OSBPL1A: variants seen among roughly 807,000 people sequenced by gnomAD.
The protein encoded by OSBPL1A is oxysterol binding protein like 1A.
In OSBPL1A, 80 loss-of-function variants were observed where a neutral mutation model predicts 137.1. The observed-to-expected ratio is 0.58, with a 90% CI of 0.49 to 0.70. The LOEUF (loss-of-function observed/expected upper bound fraction) is 0.70, where lower values mean the gene tolerates loss of function less well. Among genes scored for constraint, OSBPL1A ranks in the 30% least tolerant of loss-of-function variants. The pLI is 0.00. For missense variants in OSBPL1A, 970 were observed against 1,129.4 expected, an observed-to-expected ratio of 0.86 and a Z score of 2.02; for synonymous variants, 365 against 389.7, an observed-to-expected ratio of 0.94 and a Z score of 0.75.
At chr18:24,293,037 G>A (rs1382402670) in intron 14 of OSBPL1A, among the ~76,000 whole-genome samples, 2 of 148,090 alleles carry the variant, frequency 1.4e-5, no homozygotes, top group African/African-American at 2.5e-5. Context: ...ACCTGGGGGC[G>A]GAGGTTGCAG....
At chr18:24,391,958 T>A (rs1170938247) in intron 1 of OSBPL1A, among the ~76,000 whole-genome samples, 1 of 151,940 alleles carries the variant, frequency 6.6e-6, no homozygotes, top group Non-Finnish European at 1.5e-5. Flanking sequence ...TGGGCTCAAG[T>A]GATCCTCCCA....
chr18:24,176,700 G>A (rs561255838), intron 21 of OSBPL1A, among the ~76,000 whole-genome samples: 1 of 152,296 alleles, frequency 6.6e-6, no homozygotes, highest in East Asian at 1.9e-4. Flanking sequence ...TTTCATTCCA[G>A]TGTCAGTTTA....
At position 24,348,805 on chromosome 18, in the gene OSBPL1A, G is replaced by A. The variant is rs544407414; in HGVS notation, c.283-7147C>T. ...AAAAAAAGAAAAAAGCCTTCAAAAAGGTAAAAGATACACCACAGTCTACTA... is the reference window on the plus strand; with the variant it reads ...AAAAAAAGAAAAAAGCCTTCAAAAAAGTAAAAGATACACCACAGTCTACTA... On this transcript the variant is annotated intron_variant, in intron 4 of 27. Transcript: ENST00000319481. 2.0e-5 allele frequency among the ~76,000 whole-genome samples: 3 copies of A among 151,932 alleles called. No individual in the cohort carries two copies. In the South Asian group the frequency reaches 6.2e-4, roughly 32 times the overall value.
chr18:24,347,745 G>C (rs905569964), intron 4 of OSBPL1A: 1 of 150,522 alleles, frequency 6.6e-6, no homozygotes, highest in Non-Finnish European at 1.5e-5. Flanking sequence ...GGGAGGGTGA[G>C]GCAGGAGAAT....
intron 15 of OSBPL1A, among the ~76,000 whole-genome samples, chr18:24,251,676 C>T (rs1171132957): frequency 6.6e-6 from 1 of 152,162 alleles, no homozygotes; most frequent in African/African-American, 2.4e-5. Context: ...CAAAGAACAT[C>T]GGCAAGCATC....
intron 2 of OSBPL1A, among the ~76,000 whole-genome samples, chr18:24,375,503 A>T (rs901952809): frequency 6.6e-6 from 1 of 152,100 alleles, no homozygotes; most frequent in African/African-American, 2.4e-5. Flanking sequence ...ATGGCATATT[A>T]TGACTTGGCT....
chr18:24,164,261 G>A (rs1374254724), intron 27 of OSBPL1A, among the ~76,000 whole-genome samples: 1 of 152,084 alleles, frequency 6.6e-6, no homozygotes, highest in Non-Finnish European at 1.5e-5. Flanking sequence ...TGAGGGAAAC[G>A]TGAATAAAAC....
At chr18:24,267,743 A>C (rs2089615021) in intron 15 of OSBPL1A, among the ~76,000 whole-genome samples, 1 of 152,206 alleles carries the variant, frequency 6.6e-6, no homozygotes, top group South Asian at 2.1e-4. Context: ...AATGATAAAA[A>C]AAATTTTCAA....
chr18:24,234,595 C>A (rs1443928557), intron 16 of OSBPL1A, among the ~76,000 whole-genome samples: 1 of 152,158 alleles, frequency 6.6e-6, no homozygotes, highest in Non-Finnish European at 1.5e-5. Flanking sequence ...CTTGCTTCAC[C>A]CACCTTATGA....
intron 18 of OSBPL1A, among the ~76,000 whole-genome samples, chr18:24,189,654 T>A (rs991745295): frequency 1.3e-5 from 2 of 152,238 alleles, no homozygotes; most frequent in African/African-American, 4.8e-5. Context: ...TGCTGCTCAG[T>A]TCCCCCCGCT....
chr18:24,239,076 G>A, intron 16 of OSBPL1A, 144 bp downstream of exon 16: 1 of 907,670 alleles, frequency 1.1e-6, no homozygotes, highest in Non-Finnish European at 1.6e-6. Flanking sequence ...AATCTGGGGA[G>A]CTATACCAAT....
chr18:24,250,712 T>C (rs552399314), intron 15 of OSBPL1A, among the ~76,000 whole-genome samples: 1 of 152,196 alleles, frequency 6.6e-6, no homozygotes, highest in Admixed American at 6.5e-5. Flanking sequence ...AGACTCCTCT[T>C]TGAAAAAAGC....
At chr18:24,266,801 G>A (rs1168279995) in intron 15 of OSBPL1A, among the ~76,000 whole-genome samples, 2 of 147,850 alleles carry the variant, frequency 1.4e-5, no homozygotes, top group Non-Finnish European at 2.9e-5. Flanking sequence ...ATACATTCAC[G>A]AAATTACAAA....
At chr18:24,318,483 C>A in intron 9 of OSBPL1A, 118 bp downstream of exon 9, 1 of 865,948 alleles carries the variant, frequency 1.2e-6, no homozygotes, top group Non-Finnish European at 1.8e-6. Context: ...ATTATACGAT[C>A]CAAGAGCGAT....
intron 4 of OSBPL1A, among the ~76,000 whole-genome samples, chr18:24,360,202 C>T (rs1377835766): frequency 6.6e-6 from 1 of 152,202 alleles, no homozygotes; most frequent in Non-Finnish European, 1.5e-5. Flanking sequence ...AAGTCCTGAC[C>T]TCAGGTGATC....
Position 24,324,017 on chromosome 18 carries a change from C to T in OSBPL1A, c.626-5208G>A, listed in dbSNP as rs1375596530. On this transcript the variant is annotated intron_variant, in intron 7 of 27. Transcript: ENST00000319481. ...TAGTGCCGCAATAAACATACGTGTGCATGTGTCTTTATAGCAGCATGATTT... is the reference window on the plus strand; with the variant it reads ...TAGTGCCGCAATAAACATACGTGTGTATGTGTCTTTATAGCAGCATGATTT... Among the ~76,000 whole-genome samples the T allele has an allele frequency of 4.3e-5, 3 of 69,856 alleles. 1 individual carries two copies. Among genetic ancestry groups the T allele is most frequent in the African/African-American group, 8.3e-5 (1 of 12,116 alleles). The allele number at this position is 69,856 out of a possible 152,430, so 45.8% of individuals were successfully genotyped here.
intron 16 of OSBPL1A, among the ~76,000 whole-genome samples, chr18:24,234,364 G>A (rs2088377183): frequency 6.6e-6 from 1 of 152,054 alleles, no homozygotes; most frequent in Non-Finnish European, 1.5e-5. Flanking sequence ...CACGCAATGA[G>A]GACAAAATGT....
intron 17 of OSBPL1A, among the ~76,000 whole-genome samples, chr18:24,216,651 T>G (rs551834000): frequency 6.6e-6 from 1 of 152,356 alleles, no homozygotes; most frequent in South Asian, 2.1e-4. Context: ...AATTCCAGTT[T>G]CAAAGGACAA....
At chr18:24,229,636 G>A (rs1040344652) in intron 16 of OSBPL1A, among the ~76,000 whole-genome samples, 2 of 152,232 alleles carry the variant, frequency 1.3e-5, no homozygotes, top group African/African-American at 4.8e-5. Flanking sequence ...CATAGCCACT[G>A]TGGAGGTTGC....
Sources: allele counts gnomAD v4.1 joint callset (sites outside exome capture counted in the v4.1 genomes callset), GRCh38; gene constraint gnomAD v4.1.1; transcripts MANE v1.5; gene names NCBI Gene and HGNC (gene_info 2026-07-23, HGNC 2026-07-21).